Variants in DNHD1 observed in about 807,000 individuals in gnomAD.
DNHD1 encodes dynein heavy chain domain 1.
Under a neutral mutation model 458.1 loss-of-function variants are expected in DNHD1, and 383 were observed. That is an observed-to-expected ratio of 0.84 (90% CI 0.77 to 0.91). DNHD1 has a LOEUF of 0.91. DNHD1 is among the 40% of genes least tolerant of loss of function. DNHD1 has a pLI of 0.00. For missense variants in DNHD1, 5,336 were observed against 5,866.1 expected (o/e 0.91, Z 2.95); for synonymous variants, 2,203 against 2,376.9 (o/e 0.93, Z 2.13).
Position 6,502,802 on chromosome 11 carries a change from A to C in DNHD1, c.796A>C (p.Ser266Arg), listed in dbSNP as rs1258038700. 6.2e-7 allele frequency: 1 copy of C among 1,612,226 alleles called. No homozygotes were observed. The highest frequency in any genetic ancestry group is 1.7e-5 in the Admixed American group (1 of 59,590). ...CAGGGAAAAGGCCTTCCAAAAGAGCAGCACCGGCTTTTCACCTGAGACTTC... is the reference window on the plus strand; with the variant it reads ...CAGGGAAAAGGCCTTCCAAAAGAGCCGCACCGGCTTTTCACCTGAGACTTC... ...VPREKAFQKS[S>R]TGFSPETSFL... Residue 266 changes from serine (S) to arginine (R), a missense_variant, in exon 4 of 43, where the codon AGC (serine) becomes CGC (arginine). Ser to Arg is a moderately radical substitution (Grantham distance 110). Coordinates refer to ENST00000254579, the MANE Select transcript of DNHD1 (RefSeq NM_144666.3).
At position 6,548,398 on chromosome 11, in the gene DNHD1, T is replaced by G. The variant is rs1853268207; in HGVS notation, c.7094T>G (p.Ile2365Ser). The stretch of plus-strand genomic sequence containing the variant: ...ACTTTGGGCACCTTTCACCCTTCTA[T>G]CCAGGTGTGAGGACAGTAAGGCAAG... Reference protein sequence around the residue: ...KGTLGTFHPSIQTERLLYVVD... With the variant: ...KGTLGTFHPSSQTERLLYVVD... The change falls in exon 23 of 43, where the codon ATC (isoleucine) becomes AGC (serine). Residue 2365 changes from isoleucine to serine, a missense_variant. By Grantham distance (142) the Ile-to-Ser change is moderately radical. Transcript: ENST00000254579. The surrounding 1 kb of genome is among the most constrained non-coding windows in gnomAD (Gnocchi z 4.4). 6.4e-7 allele frequency: 1 copy of G among 1,551,654 alleles called. No individual in the cohort carries two copies. Among genetic ancestry groups the G allele is most frequent in the Non-Finnish European group, 8.7e-7 (1 of 1,146,960 alleles).
At chr11:6,516,754 T>C (rs1852478700) in intron 7 of DNHD1, among the ~76,000 whole-genome samples, 1 of 152,126 alleles carries the variant, frequency 6.6e-6, no homozygotes, top group African/African-American at 2.4e-5. Context: ...TGCTCAGTAA[T>C]TTTTGTTGAG....
chr11:6,570,022 C>T lies in DNHD1; in HGVS notation c.12877C>T (p.Leu4293=), dbSNP rs1267176887. 3 of 1,613,932 alleles carry T rather than the reference C, an allele frequency of 1.9e-6. No individual in the cohort carries two copies. Among genetic ancestry groups the T allele is most frequent in the Non-Finnish European group, 2.5e-6 (3 of 1,179,850 alleles). Residue 4293 remains leucine (L), a synonymous_variant, in exon 40 of 43, where the codon CTA becomes TTA. Coordinates refer to ENST00000254579, the MANE Select transcript of DNHD1 (RefSeq NM_144666.3). ...CCCCTTCTCTAGGAGTCAAGTGACTCTAACCCAGGTTCTTCAGACCCAAGA... is the reference window on the plus strand; with the variant it reads ...CCCCTTCTCTAGGAGTCAAGTGACTTTAACCCAGGTTCTTCAGACCCAAGA... ...AHRGRWSQVT[L]TQVLQTQDQL... is the part of the protein sequence containing the mutation.
chr11:6,544,571 C>A lies in DNHD1; in HGVS notation c.3755-3C>A. 1 of 1,550,790 alleles carries A rather than the reference C, an allele frequency of 6.4e-7. No individual in the cohort carries two copies. Among genetic ancestry groups the A allele is most frequent in the East Asian group, 2.4e-5 (1 of 40,926 alleles). ...ACCAGCATTCCTCTGGCTGCTTACA[C>A]AGGTGCCCTGCTGGAGGTGTGGCTG... On this transcript the variant is annotated splice_region_variant and splice_polypyrimidine_tract_variant and intron_variant, in intron 19 of 42. Transcript: ENST00000254579.
At position 6,546,420 on chromosome 11, in the gene DNHD1, G is replaced by A. The variant is rs1554888340; in HGVS notation, c.5481G>A (p.Leu1827=). Residue 1827 remains leucine, a synonymous_variant, in exon 21 of 43, where the codon TTG becomes TTA. Transcript: ENST00000254579. ...ACCTGCTGCTGCGGCCTGTGGCATT[G>A]GCATTGCCTGATCTGCGGCAAGTGG... ...NLHLLLRPVA[L]ALPDLRQVAE... The A allele has an allele frequency of 1.4e-5, 21 of 1,551,714 alleles. No homozygotes were observed. The highest frequency in any genetic ancestry group is 1.8e-5 in the Non-Finnish European group (21 of 1,147,074).
At position 6,548,390 on chromosome 11, in the gene DNHD1, C is replaced by T. The variant is rs1853268045; in HGVS notation, c.7086C>T (p.His2362=). Residue 2362 remains histidine, a synonymous_variant, in exon 23 of 43, where the codon CAC becomes CAT. Transcript: ENST00000254579. This position sits in a 1 kb window ranked among gnomAD's most constrained non-coding sequence, Gnocchi z 4.4. ...TCAAAGGAACTTTGGGCACCTTTCA[C>T]CCTTCTATCCAGGTGTGAGGACAGT... ...SHIKGTLGTF[H]PSIQTERLLY... is the part of the protein sequence containing the mutation. 2 of 1,551,582 alleles carry T rather than the reference C, an allele frequency of 1.3e-6. No individual in the cohort carries two copies. The highest frequency in any genetic ancestry group is 1.7e-6 in the Non-Finnish European group (2 of 1,147,002).
intron 41 of DNHD1, 104 bp downstream of exon 41, chr11:6,570,500 G>A (rs961249110): frequency 1.3e-6 from 2 of 1,482,114 alleles, no homozygotes; most frequent in South Asian, 1.4e-5. Context: ...ATATGAGGGG[G>A]TAATATTCAT....
Position 6,545,115 on chromosome 11 carries a change from T to C in DNHD1, c.4176T>C (p.His1392=), listed in dbSNP as rs1426847710. ...LWVRRCFPHV[H]AVSFRSCPTG... is the part of the protein sequence containing the mutation. Reference sequence around the variant, plus strand: ...TACGACGCTGCTTTCCTCATGTGCATGCTGTGAGCTTCAGGTCTTGCCCAA... The same window carrying C: ...TACGACGCTGCTTTCCTCATGTGCACGCTGTGAGCTTCAGGTCTTGCCCAA... The change falls in exon 21 of 43, where the codon CAT becomes CAC. Residue 1392 remains histidine (H), a synonymous_variant. Coordinates refer to ENST00000254579, the MANE Select transcript of DNHD1 (RefSeq NM_144666.3). This position sits in a 1 kb window ranked among gnomAD's most constrained non-coding sequence, Gnocchi z 4.9. The C allele has an allele frequency of 6.4e-6, 10 of 1,552,028 alleles. No homozygotes were observed. The highest frequency in any genetic ancestry group is 1.4e-5 in the African/African-American group (1 of 73,058).
chr11:6,538,997 C>G (rs1446046240), intron 16 of DNHD1, among the ~76,000 whole-genome samples, 187 bp downstream of exon 16: 1 of 152,210 alleles, frequency 6.6e-6, no homozygotes, highest in Non-Finnish European at 1.5e-5. Flanking sequence ...CTTACTACCT[C>G]CTCTCTGCTG....
chr11:6,551,892 G>A (rs1853359817), intron 24 of DNHD1, among the ~76,000 whole-genome samples: 1 of 134,094 alleles, frequency 7.5e-6, no homozygotes, highest in Admixed American at 7.3e-5. Flanking sequence ...GGTGAGCTGA[G>A]ATTTGCACCA....
In DNHD1 at chr11:6,545,000, C is replaced by A. The variant is rs761221216; in HGVS notation, c.4061C>A (p.Ala1354Asp). 1.9e-6 allele frequency: 3 copies of A among 1,551,644 alleles called. No homozygotes were observed. Among genetic ancestry groups the A allele is most frequent in the Non-Finnish European group, 2.6e-6 (3 of 1,147,006 alleles). Residue 1354 changes from alanine (A) to aspartate (D), a missense_variant, in exon 21 of 43, where the codon GCT (alanine) becomes GAT (aspartate). Around this residue, in one of 4 missense-constraint regions of DNHD1, gnomAD observed 3,932 missense variants for 4,365.6 expected, o/e 0.90. Transcript: ENST00000254579. ...GAGAGCGTGCTCTATGGGGTGTGTG[C>A]TCACTTCCCCCGCCTCTTCTTCCTT... ...SLESVLYGVC[A>D]HFPRLFFLSD...
Position 6,568,723 on chromosome 11 carries a change from T to C in DNHD1, c.12720T>C (p.His4240=), listed in dbSNP as rs1341849683. The C allele has an allele frequency of 6.2e-7, 1 of 1,613,856 alleles. No homozygotes were observed. The highest frequency in any genetic ancestry group is 2.2e-5 in the East Asian group (1 of 44,868). Residue 4240 remains histidine (H), a synonymous_variant, in exon 39 of 43, where the codon CAT becomes CAC. Coordinates refer to ENST00000254579, the MANE Select transcript of DNHD1 (RefSeq NM_144666.3). The part of the protein sequence containing the change: ...VFWNQSLELG[H]VLIDSVELAQ... ...GGAACCAGTCCCTGGAGCTGGGCCATGTTTTGATTGACAGTGTGGAGCTAG... is the reference window on the plus strand; with the variant it reads ...GGAACCAGTCCCTGGAGCTGGGCCACGTTTTGATTGACAGTGTGGAGCTAG...
chr11:6,509,298 T>C (rs750674432), intron 6 of DNHD1, 26 bp downstream of exon 6: 7 of 1,576,208 alleles, frequency 4.4e-6, no homozygotes, highest in East Asian at 4.5e-5. Flanking sequence ...CACAACTTCA[T>C]TGAGTTTTTA....
intron 7 of DNHD1, among the ~76,000 whole-genome samples, chr11:6,512,322 GC>G (rs1267348553): frequency 1.5e-5 from 2 of 137,754 alleles, no homozygotes; most frequent in African/African-American, 5.5e-5. Flanking sequence ...CCGGGTTCAC[GC>G]CATTCTCCTG....
At chr11:6,519,567 C>T (rs1363191396) in intron 7 of DNHD1, 33 bp from the exon 8 acceptor site, 2 of 1,611,532 alleles carry the variant, frequency 1.2e-6, no homozygotes, top group African/African-American at 1.3e-5. Flanking sequence ...TCTCCATCCC[C>T]CTATCTGGTG....
intron 3 of DNHD1, among the ~76,000 whole-genome samples, chr11:6,499,860 C>T (rs1221183795): frequency 6.6e-6 from 1 of 152,074 alleles, no homozygotes; most frequent in Non-Finnish European, 1.5e-5. Flanking sequence ...GTCACTGCGC[C>T]CGGCCCTATT....
At chr11:6,541,868 A>G (rs1013598076) in intron 18 of DNHD1, among the ~76,000 whole-genome samples, 4 of 152,232 alleles carry the variant, frequency 2.6e-5, no homozygotes, top group Admixed American at 6.5e-5. Context: ...GGACAGTGGC[A>G]ATGGGGAAAG....
intron 7 of DNHD1, among the ~76,000 whole-genome samples, chr11:6,518,612 G>A (rs566863445): frequency 4.8e-4 from 73 of 152,104 alleles, no homozygotes; most frequent in Non-Finnish European, 9.7e-4. Flanking sequence ...AACAGAGATC[G>A]CCTCCTAAAG....
rs1317254552 is a variant in DNHD1, at chr11:6,571,906, C to A, written c.14182C>A (p.His4728Asn). ...GCTGCAGAGCAGGAACATCGTGATGCATCTGCCTTTACCCACCAAGCTCAC... is the reference window on the plus strand; with the variant it reads ...GCTGCAGAGCAGGAACATCGTGATGAATCTGCCTTTACCCACCAAGCTCAC... Reference protein sequence around the residue: ...AKLQSRNIVMHLPLPTKLTPN... With the variant: ...AKLQSRNIVMNLPLPTKLTPN... Residue 4728 changes from histidine to asparagine, a missense_variant, in exon 43 of 43, where the codon CAT becomes AAT. Physicochemically the swap from His to Asn is moderately conservative, Grantham distance 68. This residue lies in a region of DNHD1 where 698 missense variants were observed against 664.9 expected (regional missense o/e 1.05). Transcript: ENST00000254579. The surrounding 1 kb of genome is among the most constrained non-coding windows in gnomAD (Gnocchi z 5.0). 1 of 1,613,934 alleles carries A rather than the reference C, an allele frequency of 6.2e-7. No individual in the cohort carries two copies. The highest frequency in any genetic ancestry group is 8.5e-7 in the Non-Finnish European group (1 of 1,179,912).
Sources: gnomAD v4.1 joint callset for allele counts (sites outside exome capture counted in the v4.1 genomes callset) on GRCh38, gnomAD v4.1.1 for gene constraint, gnomAD v4.1.1 regional missense constraint, Gnocchi (gnomAD v3.1) non-coding constraint, MANE v1.5 for transcripts, NCBI Gene and HGNC (gene_info 2026-07-23, HGNC 2026-07-21) for gene names.